TMEM163: variants seen among roughly 807,000 people sequenced by gnomAD.
The protein encoded by TMEM163 is transmembrane protein 163.
TMEM163 carries 17 observed loss-of-function variants against 29.3 expected under a neutral mutation model. That is an observed-to-expected ratio of 0.58 (90% CI 0.40 to 0.87). TMEM163 has a LOEUF of 0.87. Among genes scored for constraint, TMEM163 ranks in the 40% least tolerant of loss-of-function variants. The probability of loss-of-function intolerance (pLI) is 0.00; values close to 1 mark genes in which losing one functional copy is unlikely to be tolerated. For synonymous variants in TMEM163, 157 were observed against 160.6 expected (o/e 0.98, Z 0.17); for missense variants, 303 against 381.5 (o/e 0.79, Z 1.71).
chr2:134,620,808 T>C (rs1574286567), intron 2 of TMEM163, among the ~76,000 whole-genome samples: 1 of 152,166 alleles, frequency 6.6e-6, no homozygotes, highest in African/African-American at 2.4e-5. Context: ...CGTTACCTCA[T>C]ATAATATACA....
At chr2:134,691,386 G>C (rs1174511244) in intron 2 of TMEM163, among the ~76,000 whole-genome samples, 1 of 152,186 alleles carries the variant, frequency 6.6e-6, no homozygotes, top group African/African-American at 2.4e-5. Flanking sequence ...TGGCTGTACT[G>C]AGAGCCCCAT....
At chr2:134,491,234 G>A (rs1441866990) in intron 5 of TMEM163, among the ~76,000 whole-genome samples, 5 of 152,170 alleles carry the variant, frequency 3.3e-5, no homozygotes, top group Non-Finnish European at 7.3e-5. Context: ...TGAATACACA[G>A]ATGCCTCTAG....
At chr2:134,712,683 T>A (rs1185085946) in intron 2 of TMEM163, among the ~76,000 whole-genome samples, 2 of 152,196 alleles carry the variant, frequency 1.3e-5, no homozygotes, top group South Asian at 2.1e-4. Flanking sequence ...TTTTCTTAAT[T>A]GTAATACATG....
At chr2:134,668,765 C>A (rs770265872) in intron 2 of TMEM163, among the ~76,000 whole-genome samples, 25 of 151,930 alleles carry the variant, frequency 1.6e-4, no homozygotes, top group Non-Finnish European at 3.2e-4. Flanking sequence ...CTCTAAGAAC[C>A]GAGTCACACA....
intron 4 of TMEM163, among the ~76,000 whole-genome samples, chr2:134,523,637 C>G (rs1360106217): frequency 6.6e-6 from 1 of 152,232 alleles, no homozygotes; most frequent in East Asian, 1.9e-4. Flanking sequence ...AGGAATTACT[C>G]TGATCGTGGT....
At chr2:134,473,737 A>C (rs1686857195) in intron 5 of TMEM163, among the ~76,000 whole-genome samples, 1 of 152,184 alleles carries the variant, frequency 6.6e-6, no homozygotes, top group Admixed American at 6.5e-5. Context: ...ATCTATTAAG[A>C]AGATAACAAG....
At chr2:134,703,281 C>T (rs746728952) in intron 2 of TMEM163, among the ~76,000 whole-genome samples, 4 of 152,024 alleles carry the variant, frequency 2.6e-5, no homozygotes, top group South Asian at 2.1e-4. Context: ...CAATCAGAAC[C>T]GGTTACAGGA....
At chr2:134,497,463 C>T (rs1015555790) in intron 5 of TMEM163, among the ~76,000 whole-genome samples, 10 of 152,084 alleles carry the variant, frequency 6.6e-5, no homozygotes, top group African/African-American at 2.2e-4. Flanking sequence ...TGGCCAAGAG[C>T]GCAAGGTGAA....
intron 2 of TMEM163, among the ~76,000 whole-genome samples, chr2:134,596,305 G>T (rs1175246343): frequency 1.3e-5 from 2 of 152,094 alleles, no homozygotes; most frequent in East Asian, 1.9e-4. Context: ...TGTAAGGAAG[G>T]GATCCAGTTT....
chr2:134,488,583 G>A (rs1158510413), intron 5 of TMEM163, among the ~76,000 whole-genome samples: 2 of 152,194 alleles, frequency 1.3e-5, no homozygotes, highest in African/African-American at 4.8e-5. Flanking sequence ...GACTCAGACT[G>A]GCTTCCTTGC....
At chr2:134,673,403 T>C (rs1200926124) in intron 2 of TMEM163, among the ~76,000 whole-genome samples, 1 of 152,200 alleles carries the variant, frequency 6.6e-6, no homozygotes, top group Non-Finnish European at 1.5e-5. Flanking sequence ...CCCCTTGAAA[T>C]GCAGAAAACT....
At chr2:134,498,193 C>T (rs1009432552) in intron 5 of TMEM163, among the ~76,000 whole-genome samples, 37 of 152,184 alleles carry the variant, frequency 2.4e-4, no homozygotes, top group African/African-American at 7.5e-4. Flanking sequence ...AGGTAGAGAG[C>T]GCCACACCTT....
At chr2:134,539,905 G>A (rs1418268857) in intron 4 of TMEM163, among the ~76,000 whole-genome samples, 1 of 152,220 alleles carries the variant, frequency 6.6e-6, no homozygotes, top group African/African-American at 2.4e-5. Context: ...GCCACAAAGG[G>A]AGAAGGCTCT....
chr2:134,526,050 C>T (rs182632887), intron 4 of TMEM163, among the ~76,000 whole-genome samples: 1 of 152,058 alleles, frequency 6.6e-6, no homozygotes, highest in Non-Finnish European at 1.5e-5. Context: ...GGCCAGGCCT[C>T]GGGTGTGCCC....
chr2:134,692,439 T>C (rs895759628), intron 2 of TMEM163, among the ~76,000 whole-genome samples: 1 of 152,158 alleles, frequency 6.6e-6, no homozygotes, highest in African/African-American at 2.4e-5. Flanking sequence ...CCAAATTCTG[T>C]CCTTTGCCGT....
intron 5 of TMEM163, among the ~76,000 whole-genome samples, chr2:134,488,376 T>A (rs958821518): frequency 1.1e-4 from 17 of 152,216 alleles, no homozygotes; most frequent in African/African-American, 4.1e-4. Context: ...CAGAAGAATG[T>A]GGAAGGAGTG....
intron 2 of TMEM163, among the ~76,000 whole-genome samples, chr2:134,708,649 T>C (rs1684867647): frequency 1.3e-5 from 2 of 152,074 alleles, no homozygotes; most frequent in South Asian, 4.1e-4. Flanking sequence ...TGCAGTGGCA[T>C]GATCTTGGCT....
intron 2 of TMEM163, among the ~76,000 whole-genome samples, chr2:134,570,475 C>T (rs904737149): frequency 2.4e-5 from 1 of 42,004 alleles, no homozygotes; most frequent in African/African-American, 1.8e-4. Context: ...TATATATATA[C>T]ATATACATAT....
At position 134,473,788 on chromosome 2, in the gene TMEM163, G is replaced by C. The variant is rs897712080; in HGVS notation, c.556-7563C>G. 2.6e-5 allele frequency among the ~76,000 whole-genome samples: 4 copies of C among 152,146 alleles called. 1 individual carries two copies. Among genetic ancestry groups the C allele is most frequent in the Admixed American group, 2.6e-4 (4 of 15,274 alleles). On this transcript the variant is annotated intron_variant, in intron 5 of 7. Coordinates refer to ENST00000281924, the MANE Select transcript of TMEM163 (RefSeq NM_030923.5). The stretch of plus-strand genomic sequence containing the variant: ...TGATGCCAATAAATTTGACAACTTA[G>C]AAGAAATAGACAAATCAAACGTCAT...
Sources: allele counts gnomAD v4.1 joint callset (sites outside exome capture counted in the v4.1 genomes callset), GRCh38; gene constraint gnomAD v4.1.1; transcripts MANE v1.5; gene names NCBI Gene and HGNC (gene_info 2026-07-23, HGNC 2026-07-21).